The following HEPH variants were observed in gnomAD, a reference collection of about 807,000 sequenced individuals.
The protein encoded by HEPH is hephaestin.
In HEPH, 69 loss-of-function variants were observed where a neutral mutation model predicts 80.8. The ratio of observed to expected loss-of-function variants is 0.85; its 90% confidence interval spans 0.70 to 1.04. The LOEUF is 1.04. Among genes scored for constraint, HEPH ranks in the 50% least tolerant of loss-of-function variants. HEPH has a pLI of 0.00. For synonymous variants in HEPH, 431 were observed against 322.8 expected, an observed-to-expected ratio of 1.34 and a Z score of -3.60; for missense variants, 1,115 against 891.3, an observed-to-expected ratio of 1.25 and a Z score of -3.20.
chrX:66,178,504 C>A (rs2086925455), intron 4 of HEPH, among the ~76,000 whole-genome samples: 1 of 112,310 alleles, frequency 8.9e-6, no homozygotes, highest in South Asian at 3.7e-4. Flanking sequence ...GTTCTAGATC[C>A]TTGAGGAATC....
intron 12 of HEPH, among the ~76,000 whole-genome samples, chrX:66,201,185 C>G (rs1223293478): frequency 9.0e-6 from 1 of 110,643 alleles, no homozygotes; most frequent in African/African-American, 3.3e-5. Context: ...CTCCCTCTCT[C>G]TTTCTCTTTC....
intron 2 of HEPH, 74 bp downstream of exon 2, chrX:66,170,811 G>A: frequency 1.1e-6 from 1 of 932,432 alleles, no homozygotes; most frequent in Non-Finnish European, 1.5e-6. Context: ...AGCCTCTTGA[G>A]GCCCCTTTCC....
chrX:66,191,632 T>G (rs1429055205), intron 6 of HEPH, among the ~76,000 whole-genome samples: 1 of 112,273 alleles, frequency 8.9e-6, no homozygotes. Flanking sequence ...TTATCTTCAC[T>G]GATAGAAGAT....
intron 15 of HEPH, among the ~76,000 whole-genome samples, chrX:66,214,189 C>G (rs1482249672): frequency 9.0e-6 from 1 of 111,575 alleles, no homozygotes; most frequent in Non-Finnish European, 1.9e-5. Context: ...TGAGATCACT[C>G]AAGGAGTGAG....
At chrX:66,235,940 T>C (rs2090344609) in intron 15 of HEPH, among the ~76,000 whole-genome samples, 1 of 111,703 alleles carries the variant, frequency 9.0e-6, no homozygotes, top group South Asian at 3.7e-4. Context: ...CTGTTGTTGG[T>C]GTATAGGAAT....
At chrX:66,252,575 C>A (rs933071871) in intron 15 of HEPH, among the ~76,000 whole-genome samples, 1 of 111,503 alleles carries the variant, frequency 9.0e-6, no homozygotes, top group African/African-American at 3.3e-5. Context: ...ATTAGGGAGC[C>A]ATTACAGGCC....
At chrX:66,176,408 G>A (rs769579778) in intron 4 of HEPH, among the ~76,000 whole-genome samples, 1 of 111,597 alleles carries the variant, frequency 9.0e-6, no homozygotes, top group African/African-American at 3.3e-5. Flanking sequence ...TCATCTTTTT[G>A]TTATGTTGTT....
At chrX:66,198,340 G>A (rs1046256026) in intron 10 of HEPH, among the ~76,000 whole-genome samples, 1 of 111,148 alleles carries the variant, frequency 9.0e-6, no homozygotes, top group Admixed American at 9.6e-5. Flanking sequence ...CTTTGACTCC[G>A]TTTCCTCATT....
intron 15 of HEPH, among the ~76,000 whole-genome samples, chrX:66,232,713 C>T (rs968477443): frequency 1.8e-5 from 2 of 110,547 alleles, no homozygotes; most frequent in African/African-American, 3.3e-5. Flanking sequence ...TATCAATGTA[C>T]AATATTTAAT....
chrX:66,231,344 T>C (rs1328798690), intron 15 of HEPH, among the ~76,000 whole-genome samples: 2 of 104,091 alleles, frequency 1.9e-5, no homozygotes, highest in African/African-American at 7.1e-5. Context: ...GGGGATGGCA[T>C]TGAATCTGTA....
intron 5 of HEPH, 62 bp downstream of exon 5, chrX:66,188,603 C>T (rs6624875): frequency 0.22 from 224,567 of 1,001,016 alleles, 20,493 homozygotes; most frequent in African/African-American, 0.5. Flanking sequence ...ATCCACTGGG[C>T]CTAGTATTTG....
At chrX:66,199,359 G>T (rs1018266894) in intron 11 of HEPH, among the ~76,000 whole-genome samples, 2 of 98,553 alleles carry the variant, frequency 2.0e-5, no homozygotes, top group East Asian at 2.9e-4. Flanking sequence ...AGTACCTTGG[G>T]TCCCCCCCCC....
intron 15 of HEPH, among the ~76,000 whole-genome samples, chrX:66,222,821 G>T (rs771036431): frequency 1.8e-5 from 2 of 112,214 alleles, no homozygotes; most frequent in African/African-American, 6.5e-5. Flanking sequence ...GTATAACAAG[G>T]CAAGCATTAA....
At chrX:66,193,471 A>G in intron 7 of HEPH, 31 bp from the exon 8 acceptor site, 1 of 1,057,059 alleles carries the variant, frequency 9.5e-7, no homozygotes, top group Non-Finnish European at 1.3e-6. Flanking sequence ...ACCTAATGAA[A>G]TAATATCATA....
intron 5 of HEPH, 91 bp downstream of exon 5, chrX:66,188,632 A>G (rs748577991): frequency 1.5e-5 from 12 of 787,614 alleles, no homozygotes; most frequent in Non-Finnish European, 2.2e-5. Context: ...TTTCACATAC[A>G]TAGTCCTTTT....
chrX:66,260,413 C>T lies in HEPH; in HGVS notation c.3199+151C>T, dbSNP rs1202352263. The T allele has an allele frequency of 7.0e-6, 3 of 427,255 alleles. No homozygotes were observed. The African/African-American group carries it at 7.5e-5, about 11-fold the overall frequency. 35.2% of individuals were successfully genotyped at this position (427,255 alleles called of 1,213,427 possible). A position where few individuals can be genotyped will look rare whatever the true frequency, so the allele number is the denominator to read the frequency against. On this transcript the variant is annotated intron_variant, in intron 19 of 20. Transcript: ENST00000343002. The stretch of plus-strand genomic sequence containing the variant: ...AGCATAGCCTCCCTCTAGGTATTGC[C>T]CCAACCAGTATTTCTAATCCTCCAT...
intron 15 of HEPH, among the ~76,000 whole-genome samples, chrX:66,244,435 TG>T (rs2090724663): frequency 8.9e-6 from 1 of 111,985 alleles, no homozygotes; most frequent in Non-Finnish European, 1.9e-5. Context: ...TTCCTCAGCT[TG>T]GTTGATTCTG....
At position 66,189,934 on chromosome X, in the gene HEPH, T is replaced by C; in HGVS notation, c.1059T>C (p.Phe353=). The C allele has an allele frequency of 2.6e-6, 3 of 1,174,019 alleles. No individual in the cohort carries two copies. The highest frequency in any genetic ancestry group is 3.4e-6 in the Non-Finnish European group (3 of 876,235). Residue 353 remains phenylalanine, a synonymous_variant, in exon 6 of 21, where the codon TTT becomes TTC. Transcript: ENST00000343002. ...WLISCQVNSH[F]RDGMQALYKV... ...TTAGCTGCCAAGTGAACAGTCACTT[T>C]CGAGGTGAGATCCAACATTTCTGAC...
At chrX:66,264,250 AATAT>A (rs780655713) in intron 20 of HEPH, among the ~76,000 whole-genome samples, 1 of 104,239 alleles carries the variant, frequency 9.6e-6, no homozygotes, top group African/African-American at 3.5e-5. Flanking sequence ...AAGCTGTTGA[AATAT>A]ATATATATAT....
Sources: allele counts gnomAD v4.1 joint callset (sites outside exome capture counted in the v4.1 genomes callset), GRCh38; gene constraint gnomAD v4.1.1; transcripts MANE v1.5; gene names NCBI Gene and HGNC (gene_info 2026-07-23, HGNC 2026-07-21).